The following SLC35B1 variants were observed in gnomAD, a reference collection of about 807,000 sequenced individuals.
The protein encoded by SLC35B1 is solute carrier family 35 member B1.
A neutral mutation model predicts 36.6 loss-of-function variants in SLC35B1; 27 were observed. The ratio of observed to expected loss-of-function variants is 0.74; its 90% CI spans 0.54 to 1.02. The LOEUF (loss-of-function observed/expected upper bound fraction) is 1.02, where lower values mean the gene tolerates loss of function less well. Among genes scored for constraint, SLC35B1 ranks in the 50% least tolerant of loss-of-function variants. SLC35B1 has a pLI of 0.00. For synonymous variants in SLC35B1, 162 were observed against 152.5 expected (o/e 1.06, Z -0.46); for missense variants, 321 against 383.2 (o/e 0.84, Z 1.35).
intron 8 of SLC35B1, 192 bp downstream of exon 8, chr17:49,702,666 A>C (rs2045041481): frequency 3.7e-6 from 2 of 543,966 alleles, no homozygotes; most frequent in Non-Finnish European, 6.4e-6. Context: ...CAGGAGGAGG[A>C]GGAGGCTCAC....
At position 49,705,226 on chromosome 17, in the gene SLC35B1, C is replaced by T. The variant is rs752807206; in HGVS notation, c.426G>A (p.Leu142=). 20 of 1,614,116 alleles carry T rather than the reference C, an allele frequency of 1.2e-5. No individual in the cohort carries two copies. The Admixed American group carries it at 3.2e-4, about 26-fold the overall frequency. Residue 142 remains leucine, a synonymous_variant, in exon 5 of 9, where the codon CTG becomes CTA. Coordinates refer to ENST00000240333, the MANE Select transcript of SLC35B1 (RefSeq NM_005827.4). Reference sequence around the variant, plus strand: ...CTCCAGCCACAATTAACAGCACACACAGGTACTTGGCCAACGGGTACTTCT... The same window carrying T: ...CTCCAGCCACAATTAACAGCACACATAGGTACTTGGCCAACGGGTACTTCT... ...LKKKYPLAKY[L]CVLLIVAGVA...
At chr17:49,707,355 G>A (rs1361666359) in intron 1 of SLC35B1, 2 of 1,431,374 alleles carry the variant, frequency 1.4e-6, no homozygotes, top group Admixed American at 2.1e-5. Context: ...CAGGCAGGAG[G>A]AGACGGTATT....
intron 5 of SLC35B1, 64 bp from the exon 6 acceptor site, chr17:49,704,290 A>G (rs1262424802): frequency 6.3e-7 from 1 of 1,586,502 alleles, no homozygotes; most frequent in South Asian, 1.1e-5. Flanking sequence ...AACCCAGGAC[A>G]CAGGATTCTC....
Position 49,706,129 on chromosome 17 carries a change from C to T in SLC35B1, c.339+75G>A. The T allele has an allele frequency of 1.9e-6, 2 of 1,041,256 alleles. 1 individual carries two copies. Among genetic ancestry groups the T allele is most frequent in the South Asian group, 3.3e-5 (2 of 60,998 alleles). The allele number at this position is 1,041,256 out of a possible 1,614,324, so 64.5% of individuals were successfully genotyped here. A position where few individuals can be genotyped will look rare whatever the true frequency, so the allele number is the denominator to read the frequency against. ...TTTTTTTTTTTTTTTTTTTAACTCA[C>T]AGACCTGAGGGAAGAACTCTTAGTC... On this transcript the variant is annotated intron_variant, in intron 3 of 8. Coordinates refer to ENST00000240333, the MANE Select transcript of SLC35B1 (RefSeq NM_005827.4).
At position 49,706,199 on chromosome 17, in the gene SLC35B1, T is replaced by G; in HGVS notation, c.339+5A>C. The G allele has an allele frequency of 6.3e-7, 1 of 1,597,606 alleles. No individual in the cohort carries two copies. Among genetic ancestry groups the G allele is most frequent in the Non-Finnish European group, 8.5e-7 (1 of 1,175,428 alleles). Reference sequence around the variant, plus strand: ...GCCAACCATCATCCCACCCTGAGGTTTCACCTGAGTTGGGTAGTTGACAAA... The same window carrying G: ...GCCAACCATCATCCCACCCTGAGGTGTCACCTGAGTTGGGTAGTTGACAAA... On this transcript the variant is annotated splice_donor_5th_base_variant and intron_variant, in intron 3 of 8. Transcript: ENST00000240333.
intron 2 of SLC35B1, 117 bp downstream of exon 2, chr17:49,706,848 C>A: frequency 1.4e-6 from 1 of 735,940 alleles, no homozygotes; most frequent in African/African-American, 1.8e-5. Context: ...TGTGTAAGTA[C>A]AAAATGGGGT....
At chr17:49,703,577 T>C in intron 6 of SLC35B1, 1 of 396,992 alleles carries the variant, frequency 2.5e-6, no homozygotes. Context: ...AATCCTCAGA[T>C]GCTGTAGAGA....
At position 49,706,278 on chromosome 17, in the gene SLC35B1, C is replaced by A; in HGVS notation, c.265G>T (p.Ala89Ser). ...VDRTRSWLYAACSISYLGAMV... is the reference protein window; with the variant it reads ...VDRTRSWLYASCSISYLGAMV... ...GCACCCAGATAGGAGATAGAACAGG[C>A]AGCATAGAGCCAGCTCCGGGTACGA... The change falls in exon 3 of 9, where the codon GCC (alanine) becomes TCC (serine). Residue 89 changes from alanine (A) to serine (S), a missense_variant. Coordinates refer to ENST00000240333, the MANE Select transcript of SLC35B1 (RefSeq NM_005827.4). 1 of 1,587,786 alleles carries A rather than the reference C, an allele frequency of 6.3e-7. No homozygotes were observed. The highest frequency in any genetic ancestry group is 8.5e-7 in the Non-Finnish European group (1 of 1,172,072).
At chr17:49,702,696 C>A (rs2073366033) in intron 8 of SLC35B1, 162 bp downstream of exon 8, 2 of 684,490 alleles carry the variant, frequency 2.9e-6, no homozygotes, top group Non-Finnish European at 4.7e-6. Context: ...GAGCTGAGAT[C>A]GTACCACTGC....
Position 49,704,156 on chromosome 17 carries a change from C to G in SLC35B1, c.599G>C (p.Gly200Ala). ...GATGTTCAGCATCATGTGGTTGGAG[C>G]CTGTTTGGTAATGAGCCCGCATGTG... is the stretch of plus-strand genomic sequence containing the variant. Reference protein sequence around the residue: ...QDHMRAHYQTGSNHMMLNINL... With the variant: ...QDHMRAHYQTASNHMMLNINL... The change falls in exon 6 of 9, where the codon GGC (glycine) becomes GCC (alanine). Residue 200 changes from glycine to alanine, a missense_variant. Transcript: ENST00000240333. 1.2e-6 allele frequency: 2 copies of G among 1,614,130 alleles called. No homozygotes were observed. The highest frequency in any genetic ancestry group is 8.5e-7 in the Non-Finnish European group (1 of 1,180,012).
rs2073372831 is a variant in SLC35B1, at chr17:49,703,198, G to A, written c.752C>T (p.Ala251Val). Residue 251 changes from alanine (A) to valine (V), a missense_variant, in exon 7 of 9, where the codon GCC becomes GTC. Transcript: ENST00000240333. ...CTTTCAAGCACTCACCTGACCCAGG[G>A]CACTGGTCAGCCCAAAGAGCAGGAT... ...YNILLFGLTS[A>V]LGQSFIFMTV... The A allele has an allele frequency of 1.2e-6, 2 of 1,612,382 alleles. No homozygotes were observed. The highest frequency in any genetic ancestry group is 1.3e-5 in the African/African-American group (1 of 74,862).
intron 6 of SLC35B1, chr17:49,703,653 C>G: frequency 2.9e-6 from 1 of 344,558 alleles, no homozygotes; most frequent in Non-Finnish European, 5.6e-6. Context: ...CATCAGCAGC[C>G]TCCACCATTA....
At chr17:49,707,985 C>A, upstream of SLC35B1, 2 of 1,498,334 alleles carry the variant, frequency 1.3e-6, no homozygotes, top group Middle Eastern at 1.7e-4. Flanking sequence ...GCCCAGCAGT[C>A]ACTACCAGAA....
Position 49,701,500 on chromosome 17 carries a change from A to C in SLC35B1, c.927T>G (p.Leu309=), listed in dbSNP as rs750703245. 1.2e-6 allele frequency: 2 copies of C among 1,613,876 alleles called. No individual in the cohort carries two copies. The highest frequency in any genetic ancestry group is 4.5e-5 in the East Asian group (2 of 44,870). Reference sequence around the variant, plus strand: ...TAGCTCCTTTCCCAAACTTGGCATCAAGACCAAGACCTATGAAAAGGAAGA... The same window carrying C: ...TAGCTCCTTTCCCAAACTTGGCATCCAGACCAAGACCTATGAAAAGGAAGA... The part of the protein sequence containing the change: ...GTVLVFLGLG[L]DAKFGKGAKK... Residue 309 remains leucine, a synonymous_variant, in exon 9 of 9, where the codon CTT becomes CTG. Coordinates refer to ENST00000240333, the MANE Select transcript of SLC35B1 (RefSeq NM_005827.4).
chr17:49,708,009 G>T, upstream of SLC35B1: 2 of 1,376,658 alleles, frequency 1.5e-6, no homozygotes, highest in South Asian at 1.3e-5. Flanking sequence ...CCGGCTCATG[G>T]CTGCCAAGGG....
At chr17:49,707,136 C>T in intron 1 of SLC35B1, 68 bp from the exon 2 acceptor site, 1 of 1,440,682 alleles carries the variant, frequency 6.9e-7, no homozygotes, top group African/African-American at 1.4e-5. Context: ...TCTAATATAT[C>T]CCGAGCCACT....
At chr17:49,706,813 A>G (rs769644874) in intron 2 of SLC35B1, 152 bp downstream of exon 2, 13 of 591,014 alleles carry the variant, frequency 2.2e-5, no homozygotes, top group Non-Finnish European at 3.9e-5. Flanking sequence ...CAAAGTCATT[A>G]GTTTTACAGA....
At chr17:49,708,047 T>C (rs2073445212), upstream of SLC35B1, 3 of 1,088,542 alleles carry the variant, frequency 2.8e-6, no homozygotes, top group Non-Finnish European at 1.3e-6. Flanking sequence ...CAGCAACCAC[T>C]TCCTAGGAAA....
intron 8 of SLC35B1, chr17:49,702,655 C>T (rs1011862076): frequency 3.7e-5 from 19 of 518,468 alleles, no homozygotes; most frequent in Non-Finnish European, 6.5e-5. Flanking sequence ...TTGCTTGAAC[C>T]CAGGAGGAGG....
Sources: allele counts gnomAD v4.1 joint callset, GRCh38; gene constraint gnomAD v4.1.1; transcripts MANE v1.5; gene names NCBI Gene and HGNC (gene_info 2026-07-23, HGNC 2026-07-21).